Variants in RFX7 observed in about 807,000 individuals in gnomAD.
RFX7 encodes regulatory factor X7, also known as DNA-binding protein RFX7.
A neutral mutation model predicts 111.8 loss-of-function variants in RFX7; 26 were observed. The ratio of observed to expected loss-of-function variants is 0.23; its 90% CI spans 0.17 to 0.32. The LOEUF is 0.32. Ranked by LOEUF, RFX7 falls within the 10% of genes least tolerant of loss-of-function variation. RFX7 has a pLI of 1.00. For synonymous variants in RFX7, 624 were observed against 624.4 expected, an observed-to-expected ratio of 1.00 and a Z score of 0.01; for missense variants, 1,573 against 1,772.9, an observed-to-expected ratio of 0.89 and a Z score of 2.02.
chr15:56,142,249 T>C (rs1040203228), intron 5 of RFX7, among the ~76,000 whole-genome samples: 17 of 152,174 alleles, frequency 1.1e-4, no homozygotes, highest in African/African-American at 3.9e-4. Flanking sequence ...TTTAAATAAA[T>C]TGTAAATACA....
intron 2 of RFX7, among the ~76,000 whole-genome samples, chr15:56,183,979 C>T (rs1196358513): frequency 6.6e-6 from 1 of 151,006 alleles, no homozygotes; most frequent in South Asian, 2.1e-4. Flanking sequence ...ACCTTATCTC[C>T]AGCAACCTTC....
intron 3 of RFX7, among the ~76,000 whole-genome samples, chr15:56,165,732 T>G (rs536031588): frequency 2.0e-5 from 3 of 152,330 alleles, no homozygotes; most frequent in Non-Finnish European, 4.4e-5. Context: ...GCTACCTGCA[T>G]TTTTTAAACC....
At chr15:56,212,476 C>T (rs557311838) in intron 2 of RFX7, among the ~76,000 whole-genome samples, 7 of 151,982 alleles carry the variant, frequency 4.6e-5, no homozygotes, top group South Asian at 4.2e-4. Context: ...GTGTAACACC[C>T]GGAGTGAAGC....
chr15:56,234,349 T>C (rs2043599914), intron 2 of RFX7, among the ~76,000 whole-genome samples: 1 of 152,228 alleles, frequency 6.6e-6, no homozygotes, highest in Non-Finnish European at 1.5e-5. Flanking sequence ...AATTCAGTTT[T>C]CCCTGACTAC....
intron 3 of RFX7, among the ~76,000 whole-genome samples, chr15:56,159,029 A>G (rs577928832): frequency 3.9e-5 from 6 of 152,110 alleles, no homozygotes; most frequent in Middle Eastern, 3.4e-3. Context: ...GGTAAGCATC[A>G]TTTTACTCTC....
At chr15:56,098,894 C>T (rs986753207) in intron 8 of RFX7, among the ~76,000 whole-genome samples, 1 of 152,036 alleles carries the variant, frequency 6.6e-6, no homozygotes, top group African/African-American at 2.4e-5. Context: ...TTAATCCTAC[C>T]AGCAATTCAT....
At chr15:56,115,060 G>A (rs1308388304) in intron 5 of RFX7, among the ~76,000 whole-genome samples, 3 of 151,928 alleles carry the variant, frequency 2.0e-5, no homozygotes, top group Non-Finnish European at 4.4e-5. Context: ...GCCCAGCCTT[G>A]AGTGCAATGG....
intron 5 of RFX7, among the ~76,000 whole-genome samples, chr15:56,112,074 C>T (rs1567012292): frequency 1.3e-5 from 2 of 150,526 alleles, no homozygotes; most frequent in Non-Finnish European, 3.0e-5. Context: ...GAGATTTCGC[C>T]ACTGCACTCC....
chr15:56,142,236 G>T (rs1168809701), intron 5 of RFX7, among the ~76,000 whole-genome samples: 1 of 151,884 alleles, frequency 6.6e-6, no homozygotes, highest in East Asian at 1.9e-4. Context: ...TTTGTATCCT[G>T]GATTTAAATA....
Position 56,243,152 on chromosome 15 carries a change from A to G in RFX7, c.134T>C (p.Leu45Pro), listed in dbSNP as rs748364401. 1 of 1,360,926 alleles carries G rather than the reference A, an allele frequency of 7.3e-7. No homozygotes were observed. The highest frequency in any genetic ancestry group is 9.8e-7 in the Non-Finnish European group (1 of 1,019,546). The allele number at this position is 1,360,926 out of a possible 1,614,324, so 84.3% of individuals were successfully genotyped here. ...PGLPGTEASA[L>P]QHKIKNSICK... ...GATGGAGTTCTTGATCTTGTGTTGC[A>G]GCGCGCTGGCCTCTGTCCCTGGCAG... The change falls in exon 2 of 10, where the codon CTG becomes CCG. Residue 45 changes from leucine (L) to proline (P), a missense_variant. Leu to Pro is a moderately conservative substitution (Grantham distance 98, BLOSUM62 -3). Around this residue, in one of 7 missense-constraint regions of RFX7, gnomAD observed 191 missense variants for 194.2 expected, o/e 0.98. Coordinates refer to ENST00000559447, the MANE Select transcript of RFX7 (RefSeq NM_022841.7).
chr15:56,115,445 A>G (rs1488749092), intron 5 of RFX7, among the ~76,000 whole-genome samples: 3 of 152,184 alleles, frequency 2.0e-5, no homozygotes, highest in African/African-American at 7.2e-5. Flanking sequence ...GTGGAAGGGG[A>G]AACTGGGGCT....
chr15:56,232,814 G>A (rs1301081430), intron 2 of RFX7, among the ~76,000 whole-genome samples: 1 of 152,138 alleles, frequency 6.6e-6, no homozygotes, highest in Non-Finnish European at 1.5e-5. Context: ...CTAAAGCATA[G>A]CAAGAACCCA....
At chr15:56,120,199 A>T (rs1034669682) in intron 5 of RFX7, among the ~76,000 whole-genome samples, 12 of 152,072 alleles carry the variant, frequency 7.9e-5, no homozygotes, top group African/African-American at 2.9e-4. Context: ...TATAGTTTTC[A>T]CTGTAGACAT....
intron 3 of RFX7, among the ~76,000 whole-genome samples, chr15:56,170,687 GT>G (rs2042836187): frequency 6.6e-6 from 1 of 152,150 alleles, no homozygotes; most frequent in South Asian, 2.1e-4. Context: ...AAAATTAAAA[GT>G]TCAATTCCTC....
At chr15:56,226,642 C>A (rs1286746202) in intron 2 of RFX7, among the ~76,000 whole-genome samples, 1 of 151,984 alleles carries the variant, frequency 6.6e-6, no homozygotes, top group Non-Finnish European at 1.5e-5. Flanking sequence ...GGGCTAGAAG[C>A]AAAGATGGAA....
chr15:56,176,743 T>C (rs1189598349), intron 3 of RFX7, among the ~76,000 whole-genome samples: 14 of 152,084 alleles, frequency 9.2e-5, no homozygotes, highest in Admixed American at 9.2e-4. Flanking sequence ...ACATTGAATC[T>C]ATCAGCAAGC....
chr15:56,243,207 C>T lies in RFX7; in HGVS notation c.79G>A (p.Gly27Arg). The T allele has an allele frequency of 7.5e-7, 1 of 1,342,262 alleles. No homozygotes were observed. Among genetic ancestry groups the T allele is most frequent in the Non-Finnish European group, 9.9e-7 (1 of 1,010,154 alleles). 83.1% of individuals were successfully genotyped at this position (1,342,262 alleles called of 1,614,324 possible). ...QQLPPSAPNS[G>R]VALPALVPGL... ...GGCACAAGGGCTGGCAGGGCCACCC[C>T]CGAGTTGGGGGCGCTGGGGGGAAGC... The change falls in exon 2 of 10, where the codon GGG becomes AGG. Residue 27 changes from glycine (G) to arginine (R), a missense_variant. Around this residue, in one of 7 missense-constraint regions of RFX7, gnomAD observed 191 missense variants for 194.2 expected, o/e 0.98. Transcript: ENST00000559447.
At chr15:56,161,916 T>A (rs1282835773) in intron 3 of RFX7, among the ~76,000 whole-genome samples, 1 of 152,070 alleles carries the variant, frequency 6.6e-6, no homozygotes, top group Non-Finnish European at 1.5e-5. Flanking sequence ...CTTCCCATTG[T>A]TAAATTCTAC....
chr15:56,130,720 A>G (rs914594240), intron 5 of RFX7, among the ~76,000 whole-genome samples: 3 of 152,052 alleles, frequency 2.0e-5, no homozygotes, highest in African/African-American at 7.2e-5. Flanking sequence ...AACATATCAG[A>G]TTTTACTTGT....
Sources: gnomAD v4.1 joint callset for allele counts (sites outside exome capture counted in the v4.1 genomes callset) on GRCh38, gnomAD v4.1.1 for gene constraint, gnomAD v4.1.1 regional missense constraint, MANE v1.5 for transcripts, NCBI Gene and HGNC (gene_info 2026-07-23, HGNC 2026-07-21) for gene names.